Variants in UPRT observed in about 807,000 individuals in gnomAD.
UPRT encodes RP11-311P8.3.
UPRT carries 5 observed loss-of-function variants against 22.6 expected under a neutral mutation model. The observed-to-expected ratio is 0.22, with a 90% confidence interval of 0.12 to 0.47. The LOEUF (loss-of-function observed/expected upper bound fraction) is 0.47, where lower values mean the gene tolerates loss of function less well. Ranked by LOEUF, UPRT falls within the 20% of genes least tolerant of loss-of-function variation. UPRT has a pLI of 0.99. For synonymous variants in UPRT, 77 were observed against 87.7 expected (o/e 0.88, Z 0.68); for missense variants, 181 against 239.9 (o/e 0.75, Z 1.62).
chrX:75,168,658 T>C (rs1472115831), intron 4 of UPRT, among the ~76,000 whole-genome samples: 2 of 111,079 alleles, frequency 1.8e-5, no homozygotes, highest in Non-Finnish European at 1.9e-5. Flanking sequence ...GCCTCCCGAA[T>C]AGCTGGGATT....
intron 4 of UPRT, among the ~76,000 whole-genome samples, chrX:75,264,951 G>A (rs1351704390): frequency 9.0e-6 from 1 of 111,622 alleles, no homozygotes; most frequent in Non-Finnish European, 1.9e-5. Context: ...GCTTAGTTTG[G>A]CTGATATGAA....
intron 1 of UPRT, among the ~76,000 whole-genome samples, chrX:75,280,268 G>A (rs2082649799): frequency 9.0e-6 from 1 of 111,371 alleles, no homozygotes; most frequent in Admixed American, 9.5e-5. Context: ...CTGTGCAAAA[G>A]CTCTTTAGTT....
At chrX:75,190,113 T>A (rs1448159041) in intron 4 of UPRT, among the ~76,000 whole-genome samples, 1 of 112,343 alleles carries the variant, frequency 8.9e-6, no homozygotes, top group East Asian at 2.8e-4. Context: ...CAGTGGCTGA[T>A]ACCGGTTGTT....
chrX:75,269,947 C>T (rs2082602936), upstream of UPRT, among the ~76,000 whole-genome samples: 1 of 111,460 alleles, frequency 9.0e-6, no homozygotes, highest in Non-Finnish European at 1.9e-5. Flanking sequence ...GCAAAAGAAA[C>T]TATCATAAGG....
rs184842230 is a variant in UPRT at position 75,299,302 on chromosome X, T to C, written c.563-433T>C. Among the ~76,000 whole-genome samples the C allele has an allele frequency of 2.7e-5, 3 of 112,526 alleles. No individual in the cohort carries two copies. In the Admixed American group the frequency reaches 2.8e-4, roughly 11 times the overall value. ...GCTACCTTGACCTAAAAGGAGACTT[T>C]CTGATCTACATCCTTTATTCTTCCA... On this transcript the variant is annotated intron_variant, in intron 4 of 6. Transcript: ENST00000373383.
upstream of UPRT, among the ~76,000 whole-genome samples, chrX:75,269,396 A>C (rs777363918): frequency 8.9e-6 from 1 of 111,883 alleles, no homozygotes; most frequent in African/African-American, 3.2e-5. Flanking sequence ...ACAGAACTGG[A>C]AAATCTACTT....
At chrX:75,300,731 G>A (rs1032830936) in intron 5 of UPRT, 136 bp from the exon 6 acceptor site, 7 of 450,279 alleles carry the variant, frequency 1.6e-5, no homozygotes, top group Non-Finnish European at 2.6e-5. Flanking sequence ...AGGCTGCAGT[G>A]GGCCGAGATC....
chrX:75,176,043 G>T (rs1286237308), intron 4 of UPRT, among the ~76,000 whole-genome samples: 1 of 111,612 alleles, frequency 9.0e-6, no homozygotes, highest in East Asian at 2.8e-4. Context: ...AGTGATTCGG[G>T]TGATAGGGGA....
intron 4 of UPRT, among the ~76,000 whole-genome samples, chrX:75,211,273 A>G (rs1338043891): frequency 9.0e-6 from 1 of 111,321 alleles, no homozygotes; most frequent in Non-Finnish European, 1.9e-5. Flanking sequence ...GAGAAGGAAC[A>G]TAGGATAGCT....
Position 75,232,570 on chromosome X carries a change from A to G in UPRT, c.-446-58454A>G, listed in dbSNP as rs753987438. Among the ~76,000 whole-genome samples, 5 of 112,369 alleles carry G rather than the reference A, an allele frequency of 4.4e-5. No homozygotes were observed. The East Asian group carries it at 1.4e-3, about 32-fold the overall frequency. On this transcript the variant is annotated intron_variant, in intron 4 of 13. Coordinates refer to the UPRT transcript ENST00000652605. ...CTTTGAAGAGAGCAGTGGTTCTCCC[A>G]GCACGCAGCTGGAGATCTGAGAATG... is the stretch of plus-strand genomic sequence containing the variant.
chrX:75,301,063 C>A (rs2082742711), intron 6 of UPRT, 98 bp downstream of exon 6: 3 of 535,904 alleles, frequency 5.6e-6, no homozygotes, highest in Non-Finnish European at 8.9e-6. Flanking sequence ...AGTTTATCTG[C>A]TTTCACATTA....
intron 4 of UPRT, among the ~76,000 whole-genome samples, chrX:75,187,228 A>T (rs960815972): frequency 2.7e-5 from 3 of 110,628 alleles, no homozygotes; most frequent in Non-Finnish European, 5.7e-5. Context: ...GTGGTGACAA[A>T]ATCTCTCAGC....
chrX:75,187,527 CT>C (rs1425241617), intron 4 of UPRT, among the ~76,000 whole-genome samples: 1 of 111,213 alleles, frequency 9.0e-6, no homozygotes, highest in Non-Finnish European at 1.9e-5. Flanking sequence ...CGAGGAGTAT[CT>C]TTGTGGCATT....
At chrX:75,281,677 T>A (rs186947251) in intron 1 of UPRT, among the ~76,000 whole-genome samples, 2 of 111,784 alleles carry the variant, frequency 1.8e-5, no homozygotes, top group East Asian at 5.6e-4. Flanking sequence ...AGTATTTTGT[T>A]AAGGATTTTA....
rs138094485 is a variant in UPRT at position 75,230,389 on chromosome X, C to T, written c.-446-60635C>T. 2.0e-3 allele frequency among the ~76,000 whole-genome samples: 226 copies of T among 111,196 alleles called. No individual in the cohort carries two copies. The South Asian group carries it at 0.023, about 11-fold the overall frequency. On this transcript the variant is annotated intron_variant, in intron 4 of 13. Coordinates refer to the UPRT transcript ENST00000652605. ...GGAGCTGTATGGCCCCACCCATCAA[C>T]AAAAAACCCTAGTACTCATCCTGGC...
intron 4 of UPRT, among the ~76,000 whole-genome samples, chrX:75,228,180 T>A: frequency 9.0e-6 from 1 of 110,725 alleles, no homozygotes; most frequent in Non-Finnish European, 1.9e-5. Flanking sequence ...TCATGAGGAG[T>A]TCTGAGATTG....
chrX:75,250,876 C>G (rs183758694), intron 4 of UPRT, among the ~76,000 whole-genome samples: 1 of 111,996 alleles, frequency 8.9e-6, no homozygotes, highest in Non-Finnish European at 1.9e-5. Flanking sequence ...ATCAAGTGGG[C>G]TTCATCCCTG....
chrX:75,180,681 G>GTTTTTTTTTTTTGTTTTTT (rs2082266200), intron 4 of UPRT, among the ~76,000 whole-genome samples: 15 of 43,894 alleles, frequency 3.4e-4, no homozygotes, highest in Non-Finnish European at 4.2e-4. Context: ...CCTTTTCTCT[G>GTTTTTTTTTTTTGTTTTTT]TTTTTTTTTT....
intron 4 of UPRT, among the ~76,000 whole-genome samples, chrX:75,250,850 A>C (rs2082526813): frequency 8.9e-6 from 1 of 111,937 alleles, no homozygotes; most frequent in African/African-American, 3.2e-5. Context: ...GCACATCAAA[A>C]AGCTTATCCA....
Sources: gnomAD v4.1 joint callset for allele counts (sites outside exome capture counted in the v4.1 genomes callset) on GRCh38, gnomAD v4.1.1 for gene constraint, MANE v1.5 for transcripts, NCBI Gene and HGNC (gene_info 2026-07-23, HGNC 2026-07-21) for gene names.